CASR: variants seen among roughly 807,000 people sequenced by gnomAD.
The protein encoded by CASR is calcium sensing receptor.
CASR carries 23 observed loss-of-function variants against 69.1 expected under a neutral mutation model. The observed-to-expected ratio is 0.33, with a 90% confidence interval of 0.24 to 0.47. CASR has a LOEUF of 0.47. CASR is among the 20% of genes least tolerant of loss of function. CASR has a pLI of 1.00. For synonymous variants in CASR, 541 were observed against 544.7 expected (o/e 0.99, Z 0.10); for missense variants, 924 against 1,356.1 (o/e 0.68, Z 5.00).
intron 1 of CASR, among the ~76,000 whole-genome samples, chr3:122,201,719 G>C (rs548655608): frequency 1.3e-4 from 19 of 151,574 alleles, no homozygotes; most frequent in African/African-American, 4.4e-4. Flanking sequence ...GCTTGGTGGA[G>C]ACGCTCCTCA....
At chr3:122,214,015 T>C (rs2074093089) in intron 1 of CASR, among the ~76,000 whole-genome samples, 1 of 152,202 alleles carries the variant, frequency 6.6e-6, no homozygotes, top group Non-Finnish European at 1.5e-5. Flanking sequence ...CCGTGTCATG[T>C]CCTCTTCCTG....
At chr3:122,216,526 G>C (rs150140397) in intron 1 of CASR, among the ~76,000 whole-genome samples, 211 of 152,304 alleles carry the variant, frequency 1.4e-3, no homozygotes, top group Middle Eastern at 6.8e-3. Flanking sequence ...TCACCAAACA[G>C]AGGAATCTGA....
At position 122,286,538 on chromosome 3, in the gene CASR, A is replaced by G. The variant is rs1393821286; in HGVS notation, c.*1347A>G. 2 of 152,214 alleles carry G rather than the reference A, an allele frequency of 1.3e-5. No homozygotes were observed. The allele number at this position is 152,214 out of a possible 1,614,324, so 9.4% of individuals were successfully genotyped here. ...TTATTTTTTCCCTTACTTCAAATAC[A>G]AAACAAAACATACATATTAACCATT... On this transcript the variant is annotated 3_prime_UTR_variant, in exon 7 of 7. Coordinates refer to ENST00000639785, the MANE Select transcript of CASR (RefSeq NM_000388.4).
rs2074993845 is a variant in CASR, at chr3:122,289,519, A to C, written c.*4328A>C. The C allele has an allele frequency of 6.6e-6, 1 of 152,352 alleles. No homozygotes were observed. The highest frequency in any genetic ancestry group is 1.5e-5 in the Non-Finnish European group (1 of 68,166). 9.4% of individuals were successfully genotyped at this position (152,352 alleles called of 1,614,324 possible). A position where few individuals can be genotyped will look rare whatever the true frequency, so the allele number is the denominator to read the frequency against. Reference sequence around the variant, plus strand: ...GTGCATTCCAAGGATCCAAAGAAGAACCTTAGCCTTGAGAGGAAAAGCTCA... The same window carrying C: ...GTGCATTCCAAGGATCCAAAGAAGACCCTTAGCCTTGAGAGGAAAAGCTCA... On this transcript the variant is annotated 3_prime_UTR_variant, in exon 7 of 7. Coordinates refer to ENST00000639785, the MANE Select transcript of CASR (RefSeq NM_000388.4).
chr3:122,228,487 A>G (rs2074247906), intron 1 of CASR, among the ~76,000 whole-genome samples: 1 of 152,214 alleles, frequency 6.6e-6, no homozygotes, highest in South Asian at 2.1e-4. Flanking sequence ...TAGAAGTAGT[A>G]TTAACCAGGT....
At chr3:122,280,672 A>G (rs140814722) in intron 5 of CASR, among the ~76,000 whole-genome samples, 1 of 152,248 alleles carries the variant, frequency 6.6e-6, no homozygotes, top group Non-Finnish European at 1.5e-5. Flanking sequence ...TCATTAGAAG[A>G]TAATGTCAAT....
intron 1 of CASR, among the ~76,000 whole-genome samples, chr3:122,199,884 GT>G (rs2073925194): frequency 6.6e-6 from 1 of 151,882 alleles, no homozygotes; most frequent in African/African-American, 2.4e-5. Flanking sequence ...AAGAGCAGTT[GT>G]TTTTTGTTTT....
chr3:122,209,368 C>G (rs556535255), intron 1 of CASR, among the ~76,000 whole-genome samples: 1 of 152,106 alleles, frequency 6.6e-6, no homozygotes, highest in Non-Finnish European at 1.5e-5. Context: ...TGTGTTAGTC[C>G]GTTTTCACAC....
At chr3:122,203,071 G>A (rs781264065) in intron 1 of CASR, among the ~76,000 whole-genome samples, 3 of 152,110 alleles carry the variant, frequency 2.0e-5, no homozygotes, top group Non-Finnish European at 4.4e-5. Flanking sequence ...GAGCAGATAG[G>A]GTGAGCCTCC....
intron 4 of CASR, among the ~76,000 whole-genome samples, chr3:122,266,055 T>A (rs962509397): frequency 1.2e-4 from 19 of 152,138 alleles, no homozygotes; most frequent in Non-Finnish European, 8.8e-5. Flanking sequence ...ATTATCTTGT[T>A]CATTATCTGT....
intron 4 of CASR, among the ~76,000 whole-genome samples, chr3:122,273,978 C>T (rs3804594): frequency 0.1 from 15,339 of 152,236 alleles, 1,527 homozygotes; most frequent in East Asian, 0.52. Flanking sequence ...TAGAACACCT[C>T]CTCTGCACTG....
intron 1 of CASR, among the ~76,000 whole-genome samples, chr3:122,234,098 A>G (rs34973610): frequency 0.16 from 24,657 of 152,166 alleles, 2,073 homozygotes; most frequent in Non-Finnish European, 0.18. Context: ...CAGGCGCATA[A>G]CTGTTTCCAA....
chr3:122,206,509 C>G (rs1355603584), intron 1 of CASR, among the ~76,000 whole-genome samples: 1 of 151,818 alleles, frequency 6.6e-6, no homozygotes, highest in Non-Finnish European at 1.5e-5. Context: ...ACATCTATGT[C>G]TATCAGGAAT....
At chr3:122,201,710 C>A (rs1448370237) in intron 1 of CASR, among the ~76,000 whole-genome samples, 2 of 148,538 alleles carry the variant, frequency 1.3e-5, no homozygotes, top group African/African-American at 4.9e-5. Context: ...GGGCGGCTGG[C>A]TTGGTGGAGA....
chr3:122,237,894 T>A (rs984719465), intron 1 of CASR, among the ~76,000 whole-genome samples: 4 of 152,292 alleles, frequency 2.6e-5, no homozygotes, highest in African/African-American at 9.6e-5. Context: ...AAACTAAAGA[T>A]ACACAAATTC....
chr3:122,258,981 GCCA>G (rs767947111), intron 3 of CASR, among the ~76,000 whole-genome samples: 6 of 152,040 alleles, frequency 3.9e-5, no homozygotes, highest in Admixed American at 2.0e-4. Flanking sequence ...TGCCAGCCAC[GCCA>G]CCAAGTGGAT....
chr3:122,289,720 C>A lies in CASR; in HGVS notation c.*4529C>A. Reference sequence around the variant, plus strand: ...AATAACCACCACATTCATCCCCTCCCCTGACCCCTGGACAAGAGTGGAGGA... The same window carrying A: ...AATAACCACCACATTCATCCCCTCCACTGACCCCTGGACAAGAGTGGAGGA... On this transcript the variant is annotated 3_prime_UTR_variant, in exon 7 of 7. Coordinates refer to ENST00000639785, the MANE Select transcript of CASR (RefSeq NM_000388.4). 1 of 152,692 alleles carries A rather than the reference C, an allele frequency of 6.5e-6. No homozygotes were observed. The highest frequency in any genetic ancestry group is 1.5e-5 in the Non-Finnish European group (1 of 68,392). 9.5% of individuals were successfully genotyped at this position (152,692 alleles called of 1,614,324 possible).
At chr3:122,254,985 A>T (rs1281957515) in intron 2 of CASR, among the ~76,000 whole-genome samples, 17 of 148,028 alleles carry the variant, frequency 1.1e-4, no homozygotes, top group Non-Finnish European at 2.4e-4. Context: ...CCTGCCAAGA[A>T]TGCATCTCAC....
At chr3:122,277,242 T>C (rs1027098088) in intron 5 of CASR, among the ~76,000 whole-genome samples, 2 of 152,066 alleles carry the variant, frequency 1.3e-5, no homozygotes, top group Non-Finnish European at 2.9e-5. Flanking sequence ...AGACGGGGTT[T>C]CACCATGTTG....
Sources: gnomAD v4.1 joint callset for allele counts (sites outside exome capture counted in the v4.1 genomes callset) on GRCh38, gnomAD v4.1.1 for gene constraint, MANE v1.5 for transcripts, NCBI Gene and HGNC (gene_info 2026-07-23, HGNC 2026-07-21) for gene names.